The following RORB variants were observed in gnomAD, a reference collection of about 807,000 sequenced individuals.
The protein encoded by RORB is nuclear receptor ROR-beta.
A neutral mutation model predicts 59.1 loss-of-function variants in RORB; 6 were observed. The observed-to-expected ratio is 0.10, with a 90% confidence interval of 0.06 to 0.20. The LOEUF is 0.20. Among genes scored for constraint, RORB ranks in the 10% least tolerant of loss-of-function variants. RORB has a pLI of 1.00. For missense variants in RORB, 320 were observed against 560.5 expected (o/e 0.57, Z 4.33); for synonymous variants, 215 against 204.5 (o/e 1.05, Z -0.44).
intron 1 of RORB, among the ~76,000 whole-genome samples, chr9:74,554,560 T>A: frequency 7.4e-6 from 1 of 134,968 alleles, no homozygotes. Flanking sequence ...CTCTTCCAGA[T>A]GCAATTTGAA....
At chr9:74,558,210 C>A (rs1269691979) in intron 1 of RORB, among the ~76,000 whole-genome samples, 1 of 152,066 alleles carries the variant, frequency 6.6e-6, no homozygotes, top group Non-Finnish European at 1.5e-5. Flanking sequence ...TCAGAGCTAC[C>A]CTTCCTTTTG....
chr9:74,533,989 T>G (rs1429679295), intron 1 of RORB, among the ~76,000 whole-genome samples: 1 of 152,058 alleles, frequency 6.6e-6, no homozygotes, highest in Non-Finnish European at 1.5e-5. Context: ...GGATGGCCAC[T>G]GTGGTATCAG....
intron 6 of RORB, among the ~76,000 whole-genome samples, 172 bp downstream of exon 6, chr9:74,662,778 T>C (rs12345616): frequency 3.3e-5 from 5 of 152,126 alleles, no homozygotes; most frequent in Non-Finnish European, 7.3e-5. Flanking sequence ...TGATACTCAT[T>C]CAGTTCCCCT....
intron 1 of RORB, among the ~76,000 whole-genome samples, chr9:74,604,597 A>T (rs943414242): frequency 6.6e-6 from 1 of 152,230 alleles, no homozygotes; most frequent in African/African-American, 2.4e-5. Flanking sequence ...ATAAGATAAT[A>T]ATTCAACATT....
intron 1 of RORB, among the ~76,000 whole-genome samples, chr9:74,531,113 A>G (rs2118097296): frequency 6.6e-6 from 1 of 152,100 alleles, no homozygotes; most frequent in Non-Finnish European, 1.5e-5. Context: ...AAAAGCCTTC[A>G]ATACCTGAGA....
chr9:74,545,756 T>C (rs1826476530), intron 1 of RORB, among the ~76,000 whole-genome samples: 1 of 152,168 alleles, frequency 6.6e-6, no homozygotes, highest in South Asian at 2.1e-4. Context: ...CCTTAGAATA[T>C]TAACCTGCTA....
chr9:74,580,112 CTA>C (rs1044864347), intron 1 of RORB, among the ~76,000 whole-genome samples: 27 of 151,960 alleles, frequency 1.8e-4, no homozygotes, highest in African/African-American at 6.3e-4. Flanking sequence ...AGGTTTGGTG[CTA>C]TCTGTGGTTT....
chr9:74,585,254 C>G (rs959817461), intron 1 of RORB, among the ~76,000 whole-genome samples: 13 of 152,222 alleles, frequency 8.5e-5, no homozygotes, highest in African/African-American at 3.1e-4. Context: ...TGAAAACTTA[C>G]CTGTTCCAAA....
chr9:74,522,377 C>T lies in RORB; in HGVS notation c.7+24394C>T, dbSNP rs149580288. 3.5e-3 allele frequency among the ~76,000 whole-genome samples: 538 copies of T among 151,764 alleles called. 4 individuals carry two copies. Among genetic ancestry groups the T allele is most frequent in the South Asian group, 8.1e-3 (39 of 4,820 alleles). On this transcript the variant is annotated intron_variant, in intron 1 of 9. Coordinates refer to ENST00000376896, the MANE Select transcript of RORB (RefSeq NM_006914.4). ...ATAACTGACATCAAAATCTTACAAG[C>T]ATTAGAAAAATAGAAGGTAGAATTC...
chr9:74,598,667 C>T (rs966300487), intron 1 of RORB, among the ~76,000 whole-genome samples: 3 of 152,104 alleles, frequency 2.0e-5, no homozygotes, highest in Admixed American at 6.5e-5. Flanking sequence ...ATTTATTAAC[C>T]GTATTCAGCA....
At chr9:74,606,432 A>T (rs1314799490) in intron 1 of RORB, among the ~76,000 whole-genome samples, 1 of 152,096 alleles carries the variant, frequency 6.6e-6, no homozygotes, top group Non-Finnish European at 1.5e-5. Context: ...TTTGTTTCTC[A>T]TTCTGTTCAG....
At chr9:74,578,461 CA>C (rs1373954055) in intron 1 of RORB, among the ~76,000 whole-genome samples, 1 of 152,064 alleles carries the variant, frequency 6.6e-6, no homozygotes, top group East Asian at 1.9e-4. Flanking sequence ...AAGTCAAAGA[CA>C]ACCGTGTAAA....
chr9:74,582,706 C>T (rs1017900362), intron 1 of RORB, among the ~76,000 whole-genome samples: 6 of 152,144 alleles, frequency 3.9e-5, no homozygotes, highest in African/African-American at 1.2e-4. Context: ...AGAGCAGGTA[C>T]TTACTAGTTC....
intron 4 of RORB, among the ~76,000 whole-genome samples, chr9:74,660,134 A>G (rs1242994582): frequency 1.3e-5 from 2 of 152,084 alleles, no homozygotes; most frequent in Admixed American, 6.5e-5. Context: ...TATTTCCTCT[A>G]TACATAGCCT....
intron 1 of RORB, among the ~76,000 whole-genome samples, chr9:74,629,805 C>A (rs1823585651): frequency 6.6e-6 from 1 of 152,132 alleles, no homozygotes; most frequent in Non-Finnish European, 1.5e-5. Context: ...AAACATCCAG[C>A]CACACAATGT....
chr9:74,633,989 G>T (rs1165951946), intron 2 of RORB, among the ~76,000 whole-genome samples: 2 of 151,662 alleles, frequency 1.3e-5, no homozygotes, highest in Non-Finnish European at 2.9e-5. Flanking sequence ...CTTGAGTCTA[G>T]GAGTTTGAGG....
chr9:74,568,968 T>G (rs1822510152), intron 1 of RORB, among the ~76,000 whole-genome samples: 1 of 152,088 alleles, frequency 6.6e-6, no homozygotes, highest in Admixed American at 6.6e-5. Context: ...AGAAGAACTC[T>G]TCTTCTAAGA....
chr9:74,529,303 T>A (rs992635750), intron 1 of RORB, among the ~76,000 whole-genome samples: 1 of 151,282 alleles, frequency 6.6e-6, no homozygotes, highest in African/African-American at 2.4e-5. Context: ...AACAGAAGAA[T>A]GAAGAAGATA....
chr9:74,516,702 A>G (rs961472580), intron 1 of RORB, among the ~76,000 whole-genome samples: 8 of 152,036 alleles, frequency 5.3e-5, no homozygotes, highest in South Asian at 2.1e-4. Flanking sequence ...CTTAACTGAC[A>G]TATCAGTTAC....
Sources: gnomAD v4.1 joint callset for allele counts (sites outside exome capture counted in the v4.1 genomes callset) on GRCh38, gnomAD v4.1.1 for gene constraint, MANE v1.5 for transcripts, NCBI Gene and HGNC (gene_info 2026-07-23, HGNC 2026-07-21) for gene names.